The following DSCAML1 variants were observed in gnomAD, a reference collection of about 807,000 sequenced individuals.
DSCAML1 encodes the protein cell adhesion molecule DSCAML1.
Under a neutral mutation model 200.5 loss-of-function variants are expected in DSCAML1, and 38 were observed. The observed-to-expected ratio is 0.19, with a 90% CI of 0.15 to 0.25. DSCAML1 has a LOEUF of 0.25. Among genes scored for constraint, DSCAML1 ranks in the 10% least tolerant of loss-of-function variants. The pLI is 1.00. For missense variants in DSCAML1, 2,223 were observed against 2,858.8 expected, an observed-to-expected ratio of 0.78 and a Z score of 5.07; for synonymous variants, 1,215 against 1,165.0, an observed-to-expected ratio of 1.04 and a Z score of -0.87.
At chr11:117,595,711 C>T (rs934149216) in intron 3 of DSCAML1, among the ~76,000 whole-genome samples, 2 of 152,094 alleles carry the variant, frequency 1.3e-5, no homozygotes, top group Non-Finnish European at 2.9e-5. Flanking sequence ...ATCAATGTCG[C>T]CCATCTCTAT....
intron 3 of DSCAML1, among the ~76,000 whole-genome samples, chr11:117,713,003 C>A (rs2053879319): frequency 6.6e-6 from 1 of 152,088 alleles, no homozygotes; most frequent in African/African-American, 2.4e-5. Flanking sequence ...ACCCGTAACC[C>A]CCCAACACCC....
chr11:117,458,267 A>G lies in DSCAML1; in HGVS notation c.3568+487T>C, dbSNP rs117933831. On this transcript the variant is annotated intron_variant, in intron 19 of 32. Coordinates refer to ENST00000651296, the MANE Select transcript of DSCAML1 (RefSeq NM_020693.4). ...CCCCATGAGGAAGGGCTTTGAGATC[A>G]CCCAGCTCCAAATGGAGGCACACCC... 1.6e-3 allele frequency among the ~76,000 whole-genome samples: 237 copies of G among 152,204 alleles called. 7 individuals are homozygous for G. The East Asian group carries it at 0.035, about 22-fold the overall frequency.
chr11:117,564,343 G>A (rs1262610601), intron 3 of DSCAML1, among the ~76,000 whole-genome samples: 8 of 152,194 alleles, frequency 5.3e-5, no homozygotes, highest in Non-Finnish European at 2.9e-5. Flanking sequence ...CTTTGAACAC[G>A]TTGAGAAGCA....
rs755561142 is a variant in DSCAML1, at chr11:117,482,043, T to C, written c.2479A>G (p.Thr827Ala). Residue 827 changes from threonine (T) to alanine (A), a missense_variant, in exon 12 of 33, where the codon ACA becomes GCA. Physicochemically the swap from Thr to Ala is moderately conservative, Grantham distance 58. Coordinates refer to ENST00000651296, the MANE Select transcript of DSCAML1 (RefSeq NM_020693.4). ...ATGACGCGGTCAGGGTCGATGACTG[T>C]GTCCCCCTTCTCCCAGCGGATGATG... ...PIIIRWEKGD[T>A]VIDPDRVMRY... The C allele has an allele frequency of 1.9e-6, 3 of 1,614,200 alleles. No homozygotes were observed. Among genetic ancestry groups the C allele is most frequent in the Non-Finnish European group, 2.5e-6 (3 of 1,180,010 alleles).
At chr11:117,436,475 G>A (rs971704873) in intron 26 of DSCAML1, among the ~76,000 whole-genome samples, 4 of 152,052 alleles carry the variant, frequency 2.6e-5, no homozygotes, top group Non-Finnish European at 5.9e-5. Context: ...TTGTGACAAT[G>A]GGCTTCTATG....
At chr11:117,725,949 C>T (rs533553799) in intron 3 of DSCAML1, among the ~76,000 whole-genome samples, 1 of 152,212 alleles carries the variant, frequency 6.6e-6, no homozygotes, top group East Asian at 1.9e-4. Flanking sequence ...TGGGCCCTAC[C>T]CACAGGTCCC....
At chr11:117,522,609 C>T (rs1853383778) in intron 5 of DSCAML1, among the ~76,000 whole-genome samples, 2 of 152,218 alleles carry the variant, frequency 1.3e-5, no homozygotes, top group Admixed American at 1.3e-4. Flanking sequence ...TAAATGACCG[C>T]ATGCTTGCTT....
chr11:117,589,293 G>A (rs1014787845), intron 3 of DSCAML1, among the ~76,000 whole-genome samples: 3 of 152,176 alleles, frequency 2.0e-5, no homozygotes, highest in Non-Finnish European at 4.4e-5. Flanking sequence ...TTCGATGCAC[G>A]GGCAGCCCGT....
At chr11:117,541,875 CTCT>C (rs60796303) in intron 3 of DSCAML1, among the ~76,000 whole-genome samples, 43,486 of 147,858 alleles carry the variant, frequency 0.29, 6,844 homozygotes, top group African/African-American at 0.42. Flanking sequence ...AAAGATGTAC[CTCT>C]TCTTCGTTAG....
chr11:117,582,945 A>G (rs2051069570), intron 3 of DSCAML1, among the ~76,000 whole-genome samples: 1 of 152,174 alleles, frequency 6.6e-6, no homozygotes, highest in Non-Finnish European at 1.5e-5. Context: ...AAGTGTTTTC[A>G]TAACATGATC....
intron 3 of DSCAML1, among the ~76,000 whole-genome samples, chr11:117,557,204 A>G (rs1014023937): frequency 1.3e-5 from 2 of 152,194 alleles, no homozygotes; most frequent in Non-Finnish European, 2.9e-5. Flanking sequence ...ACTTGCAGGA[A>G]GAAGGTGCAG....
At chr11:117,481,935 C>T (rs759347252) in intron 12 of DSCAML1, 28 bp downstream of exon 12, 2 of 1,612,540 alleles carry the variant, frequency 1.2e-6, no homozygotes, top group Admixed American at 1.7e-5. Flanking sequence ...GAGTTGGGGT[C>T]CCCCAGCACT....
chr11:117,612,470 C>G (rs1211951682), intron 3 of DSCAML1, among the ~76,000 whole-genome samples: 1 of 152,184 alleles, frequency 6.6e-6, no homozygotes. Context: ...CACCACTAGT[C>G]CCTGCTGTGG....
chr11:117,674,128 G>A (rs948569067), intron 3 of DSCAML1, among the ~76,000 whole-genome samples: 15 of 152,206 alleles, frequency 9.9e-5, no homozygotes, highest in African/African-American at 1.7e-4. Context: ...TTACGTTGCC[G>A]GTACTAGTTT....
intron 3 of DSCAML1, among the ~76,000 whole-genome samples, chr11:117,656,547 C>CTAT (rs61209393): frequency 3.8e-4 from 57 of 151,304 alleles, no homozygotes; most frequent in African/African-American, 9.0e-4. Flanking sequence ...ATCTATCTAT[C>CTAT]CATCCATCCA....
rs1407708041 is a variant in DSCAML1 at position 117,482,159 on chromosome 11, G to A, written c.2363C>T (p.Pro788Leu). The A allele has an allele frequency of 6.2e-7, 1 of 1,614,008 alleles. No homozygotes were observed. Among genetic ancestry groups the A allele is most frequent in the East Asian group, 2.2e-5 (1 of 44,880 alleles). The change falls in exon 12 of 33, where the codon CCG (proline) becomes CTG (leucine). Residue 788 changes from proline to leucine, a missense_variant. This residue lies in a region of DSCAML1 where 438 missense variants were observed against 629.7 expected (regional missense o/e 0.70). Coordinates refer to ENST00000651296, the MANE Select transcript of DSCAML1 (RefSeq NM_020693.4). The part of the protein sequence containing the change: ...SKSMFLTVKI[P>L]AMITSHPNTT... ...GTTGGGGTGGGAAGTGATCATGGCC[G>A]GGACTGGGGGGCGGAGGCAGAGAAG...
intron 3 of DSCAML1, among the ~76,000 whole-genome samples, chr11:117,614,283 GGAGTGAATGAA>G (rs2051764401): frequency 6.6e-6 from 1 of 152,118 alleles, no homozygotes; most frequent in Non-Finnish European, 1.5e-5. Flanking sequence ...AGTGTCCTCG[GGAGTGAATGAA>G]ATGACAATCG....
intron 3 of DSCAML1, among the ~76,000 whole-genome samples, chr11:117,561,743 C>T (rs937376622): frequency 6.6e-6 from 1 of 152,222 alleles, no homozygotes; most frequent in African/African-American, 2.4e-5. Flanking sequence ...TCAGGAAGGG[C>T]AGGATGCCCC....
chr11:117,565,280 A>C (rs2050736436), intron 3 of DSCAML1, among the ~76,000 whole-genome samples: 1 of 152,230 alleles, frequency 6.6e-6, no homozygotes, highest in African/African-American at 2.4e-5. Context: ...TGAATTGAGG[A>C]TATTCATCAC....
Sources: allele counts gnomAD v4.1 joint callset (sites outside exome capture counted in the v4.1 genomes callset), GRCh38; gene constraint gnomAD v4.1.1; regional missense constraint gnomAD v4.1.1; transcripts MANE v1.5; gene names NCBI Gene and HGNC (gene_info 2026-07-23, HGNC 2026-07-21).